Variants in MDN1 observed in about 807,000 individuals in gnomAD.
MDN1 encodes the protein midasin AAA ATPase 1.
Under a neutral mutation model 669.2 loss-of-function variants are expected in MDN1, and 266 were observed. The ratio of observed to expected loss-of-function variants is 0.40; its 90% CI spans 0.36 to 0.44. The LOEUF (loss-of-function observed/expected upper bound fraction) is 0.44, where lower values mean the gene tolerates loss of function less well. Among genes scored for constraint, MDN1 ranks in the 20% least tolerant of loss-of-function variants. The probability of loss-of-function intolerance (pLI) is 1.00; values close to 1 mark genes in which losing one functional copy is unlikely to be tolerated. For missense variants in MDN1, 5,940 were observed against 6,754.0 expected (o/e 0.88, Z 4.22); for synonymous variants, 2,385 against 2,457.1 (o/e 0.97, Z 0.87).
chr6:89,734,349 A>G (rs1815786302), intron 33 of MDN1, among the ~76,000 whole-genome samples: 1 of 152,092 alleles, frequency 6.6e-6, no homozygotes. Flanking sequence ...AAAGACAAGG[A>G]AATTTTAAAC....
chr6:89,672,838 G>C, intron 80 of MDN1, 136 bp from the exon 81 acceptor site: 1 of 945,634 alleles, frequency 1.1e-6, no homozygotes, highest in South Asian at 2.0e-5. Flanking sequence ...ACAAAGAAGA[G>C]ACAAATTCCT....
intron 1 of MDN1, among the ~76,000 whole-genome samples, chr6:89,816,860 A>G (rs1367728645): frequency 6.6e-6 from 1 of 151,638 alleles, no homozygotes; most frequent in Non-Finnish European, 1.5e-5. Flanking sequence ...ATTTTTAGTA[A>G]AGACAGGGTT....
intron 50 of MDN1, 123 bp from the exon 51 acceptor site, chr6:89,708,751 T>A: frequency 9.5e-7 from 1 of 1,056,406 alleles, no homozygotes. Context: ...GGGGAAGAGG[T>A]TGAACCAGTA....
chr6:89,804,077 TTTG>T (rs1164019450), intron 1 of MDN1, among the ~76,000 whole-genome samples: 1 of 151,194 alleles, frequency 6.6e-6, no homozygotes, highest in African/African-American at 2.4e-5. Flanking sequence ...TTTGTTTTGA[TTTG>T]TTTTGTTTTA....
intron 33 of MDN1, 57 bp downstream of exon 33, chr6:89,738,269 T>C: frequency 6.3e-7 from 1 of 1,587,976 alleles, no homozygotes; most frequent in South Asian, 1.1e-5. Flanking sequence ...ATCCCTCAAC[T>C]CCCAACACAA....
intron 29 of MDN1, 129 bp downstream of exon 29, chr6:89,745,144 A>AG (rs1215990904): frequency 2.1e-6 from 2 of 938,654 alleles, no homozygotes; most frequent in African/African-American, 3.5e-5. Flanking sequence ...TAAAAAAAAA[A>AG]AAAAAAAAGA....
intron 15 of MDN1, among the ~76,000 whole-genome samples, chr6:89,770,418 A>C (rs1438279894): frequency 1.3e-5 from 2 of 151,770 alleles, no homozygotes; most frequent in African/African-American, 4.8e-5. Flanking sequence ...AAAAAAAAAG[A>C]ATAAAGGTAA....
Position 89,652,991 on chromosome 6 carries a change from C to T in MDN1, c.15825+1G>A. On this transcript the variant is annotated splice_donor_variant, in intron 94 of 101. Coordinates refer to ENST00000369393, the MANE Select transcript of MDN1 (RefSeq NM_014611.3). LOFTEE classifies it high-confidence loss of function. Reference sequence around the variant, plus strand: ...ATGCAGTAATTTGTGAGTTTTACTACCTGGAAGATCGTGTCCATGAGGAAT... The same window carrying T: ...ATGCAGTAATTTGTGAGTTTTACTATCTGGAAGATCGTGTCCATGAGGAAT... 1.2e-6 allele frequency: 2 copies of T among 1,612,198 alleles called. No individual in the cohort carries two copies. The highest frequency in any genetic ancestry group is 1.7e-6 in the Non-Finnish European group (2 of 1,179,534).
chr6:89,781,653 C>T (rs771169452), intron 9 of MDN1, 61 bp from the exon 10 acceptor site: 15 of 1,420,900 alleles, frequency 1.1e-5, no homozygotes, highest in Non-Finnish European at 1.4e-5. Flanking sequence ...TGAAAGCACA[C>T]AAACTACTGC....
chr6:89,717,182 GC>G (rs1394387167), intron 43 of MDN1, among the ~76,000 whole-genome samples: 1 of 152,194 alleles, frequency 6.6e-6, no homozygotes, highest in East Asian at 1.9e-4. Context: ...TTTATAATGA[GC>G]ATATCATATG....
At chr6:89,755,610 C>G (rs1281756560) in intron 20 of MDN1, among the ~76,000 whole-genome samples, 3 of 152,104 alleles carry the variant, frequency 2.0e-5, no homozygotes, top group Admixed American at 6.6e-5. Context: ...CACAAACACA[C>G]AGTAAAACAT....
At chr6:89,740,189 T>A (rs1206045993) in intron 32 of MDN1, 45 bp downstream of exon 32, 3 of 1,599,444 alleles carry the variant, frequency 1.9e-6, no homozygotes, top group Non-Finnish European at 2.6e-6. Context: ...ACCAGTAAGC[T>A]GAGGTCAAAA....
chr6:89,697,722 A>G (rs375632967), intron 59 of MDN1, among the ~76,000 whole-genome samples: 1 of 151,846 alleles, frequency 6.6e-6, no homozygotes, highest in East Asian at 1.9e-4. Context: ...GCTGGGATTC[A>G]GGCGCACACC....
Position 89,729,146 on chromosome 6 carries a change from T to A in MDN1, c.5141-7A>T. On this transcript the variant is annotated splice_polypyrimidine_tract_variant and splice_region_variant and intron_variant, in intron 35 of 101. Transcript: ENST00000369393. Reference sequence around the variant, plus strand: ...TTCCTGTGTAGGACAGGTCCTTAAGTGGAGAAAAGTAAAGTCATGTATAAG... The same window carrying A: ...TTCCTGTGTAGGACAGGTCCTTAAGAGGAGAAAAGTAAAGTCATGTATAAG... The A allele has an allele frequency of 1.2e-6, 2 of 1,607,404 alleles. No individual in the cohort carries two copies. Among genetic ancestry groups the A allele is most frequent in the Non-Finnish European group, 1.7e-6 (2 of 1,177,808 alleles).
rs776504910 is a variant in MDN1 at position 89,803,525 on chromosome 6, G to A, written c.132C>T (p.Val44=). ...AAAGCAACTGTGCTAAGGTACTCAGGACACACTGGCGATCTTGAGGTGTCC... is the reference window on the plus strand; with the variant it reads ...AAAGCAACTGTGCTAAGGTACTCAGAACACACTGGCGATCTTGAGGTGTCC... ...QVWTPQDRQC[V]LSTLAQLLLD... Residue 44 remains valine (V), a synonymous_variant, in exon 2 of 102, where the codon GTC becomes GTT. Transcript: ENST00000369393. The A allele has an allele frequency of 9.9e-6, 16 of 1,613,498 alleles. No individual in the cohort carries two copies. The Admixed American group carries it at 1.3e-4, about 13-fold the overall frequency.
chr6:89,692,111 TTTTATTAA>T (rs1812412462), intron 63 of MDN1, among the ~76,000 whole-genome samples: 1 of 152,214 alleles, frequency 6.6e-6, no homozygotes, highest in Non-Finnish European at 1.5e-5. Flanking sequence ...AGCAAATTAC[TTTTATTAA>T]TAAGGGAACA....
Position 89,745,518 on chromosome 6 carries a change from G to A in MDN1, c.4013C>T (p.Ser1338Phe), listed in dbSNP as rs1439261774. The A allele has an allele frequency of 6.2e-7, 1 of 1,614,030 alleles. No homozygotes were observed. The highest frequency in any genetic ancestry group is 1.1e-5 in the South Asian group (1 of 91,052). Reference protein sequence around the residue: ...KKKLCPQSLFSKENVLKLLGK... With the variant: ...KKKLCPQSLFFKENVLKLLGK... ...CAGCAATTTTAGAACATTTTCTTTG[G>A]AGAAAAGAGATTGAGGACACAATTT... Residue 1338 changes from serine to phenylalanine, a missense_variant, in exon 28 of 102, where the codon TCC becomes TTC. Coordinates refer to ENST00000369393, the MANE Select transcript of MDN1 (RefSeq NM_014611.3).
intron 79 of MDN1, 85 bp from the exon 80 acceptor site, chr6:89,673,547 T>C (rs1810977992): frequency 1.7e-6 from 2 of 1,205,408 alleles, no homozygotes; most frequent in South Asian, 1.3e-5. Flanking sequence ...CTACAAGATA[T>C]GCAAGGTAGA....
intron 5 of MDN1, among the ~76,000 whole-genome samples, chr6:89,791,511 T>C (rs2128326704): frequency 6.6e-6 from 1 of 152,298 alleles, no homozygotes; most frequent in South Asian, 2.1e-4. Context: ...ATAAATGAAA[T>C]GTAATTGATA....
Sources: gnomAD v4.1 joint callset for allele counts (sites outside exome capture counted in the v4.1 genomes callset) on GRCh38, gnomAD v4.1.1 for gene constraint, MANE v1.5 for transcripts, NCBI Gene and HGNC (gene_info 2026-07-23, HGNC 2026-07-21) for gene names.